The following PCSK6 variants were observed in gnomAD, a reference collection of about 807,000 sequenced individuals.
PCSK6 encodes the protein paired basic amino acid cleaving enzyme 4.
PCSK6 carries 85 observed loss-of-function variants against 123.3 expected under a neutral mutation model. The observed-to-expected ratio is 0.69, with a 90% CI of 0.58 to 0.83. The LOEUF (loss-of-function observed/expected upper bound fraction) is 0.83. PCSK6 is among the 40% of genes least tolerant of loss of function. The pLI is 0.00. For synonymous variants in PCSK6, 508 were observed against 516.0 expected, an observed-to-expected ratio of 0.98 and a Z score of 0.21; for missense variants, 1,191 against 1,282.3, an observed-to-expected ratio of 0.93 and a Z score of 1.09.
chr15:101,486,661 A>G (rs2058027891), intron 1 of PCSK6, among the ~76,000 whole-genome samples: 1 of 152,230 alleles, frequency 6.6e-6, no homozygotes, highest in South Asian at 2.1e-4. Context: ...AAAGGGAGCC[A>G]TGACACAAGA....
At chr15:101,489,093 G>A (rs2058092715) in intron 1 of PCSK6, among the ~76,000 whole-genome samples, 1 of 148,852 alleles carries the variant, frequency 6.7e-6, no homozygotes, top group African/African-American at 2.4e-5. Flanking sequence ...GCGGGGTTGG[G>A]CGGCACTGCC....
At chr15:101,429,290 C>G (rs866227210) in intron 5 of PCSK6, among the ~76,000 whole-genome samples, 1 of 152,196 alleles carries the variant, frequency 6.6e-6, no homozygotes, top group African/African-American at 2.4e-5. Context: ...GCCGTTTACA[C>G]TGCAAAGTCA....
intron 6 of PCSK6, among the ~76,000 whole-genome samples, chr15:101,417,630 T>C (rs2055932971): frequency 6.6e-6 from 1 of 152,146 alleles, no homozygotes; most frequent in Non-Finnish European, 1.5e-5. Context: ...TAAGAGGTGA[T>C]GAAAGGAGAA....
intron 11 of PCSK6, among the ~76,000 whole-genome samples, chr15:101,380,732 C>G (rs1017448861): frequency 4.6e-5 from 7 of 152,212 alleles, no homozygotes; most frequent in African/African-American, 1.7e-4. Flanking sequence ...GAGCCCTCCA[C>G]CAGACACATT....
chr15:101,366,011 A>C (rs1408239715), intron 13 of PCSK6, 185 bp downstream of exon 13: 10 of 553,490 alleles, frequency 1.8e-5, no homozygotes, highest in Non-Finnish European at 2.1e-5. Flanking sequence ...GACATCGTGG[A>C]TGTACTAAAA....
At chr15:101,333,348 A>G (rs2040409517) in intron 13 of PCSK6, among the ~76,000 whole-genome samples, 1 of 152,196 alleles carries the variant, frequency 6.6e-6, no homozygotes, top group South Asian at 2.1e-4. Context: ...AAACACATGC[A>G]CACACATGTT....
In PCSK6 at chr15:101,325,020, C is replaced by G. The variant is rs1226511104; in HGVS notation, c.2207G>C (p.Gly736Ala). The change falls in exon 17 of 22, where the codon GGC becomes GCC. Residue 736 changes from glycine (G) to alanine (A), a missense_variant. Physicochemically the swap from Gly to Ala is moderately conservative, Grantham distance 60 (BLOSUM62 0). Coordinates refer to ENST00000611716, the MANE Select transcript of PCSK6 (RefSeq NM_002570.5). ...TCTTGCTGCTGTGTCCCCAAAGTAG[C>G]CCAAGGGGCACACACTCACGCACTT... ...SRKCVSVCPLGYFGDTAARRC... is the reference protein window; with the variant it reads ...SRKCVSVCPLAYFGDTAARRC... 5 of 1,610,962 alleles carry G rather than the reference C, an allele frequency of 3.1e-6. No individual in the cohort carries two copies. Among genetic ancestry groups the G allele is most frequent in the African/African-American group, 2.7e-5 (2 of 74,934 alleles).
At chr15:101,429,088 G>C (rs1049943358) in intron 5 of PCSK6, among the ~76,000 whole-genome samples, 1 of 152,180 alleles carries the variant, frequency 6.6e-6, no homozygotes, top group African/African-American at 2.4e-5. Context: ...GAATCAAAGC[G>C]ACCACAAACT....
chr15:101,384,480 C>A, intron 9 of PCSK6, 55 bp from the exon 10 acceptor site: 2 of 1,484,828 alleles, frequency 1.3e-6, no homozygotes, highest in South Asian at 2.5e-5. Flanking sequence ...GGCAGCCACA[C>A]AGGCCACTCA....
intron 1 of PCSK6, among the ~76,000 whole-genome samples, chr15:101,473,616 C>G (rs1460360092): frequency 6.6e-6 from 1 of 152,186 alleles, no homozygotes; most frequent in Non-Finnish European, 1.5e-5. Context: ...GCTTTTGCAT[C>G]TTGTGCTAAA....
chr15:101,336,761 T>G (rs552211439), intron 13 of PCSK6: 1 of 151,792 alleles, frequency 6.6e-6, no homozygotes, highest in African/African-American at 2.4e-5. Context: ...TTTTTGTTCT[T>G]TCTCTCGATC....
At chr15:101,469,872 A>G (rs1243494737) in intron 1 of PCSK6, among the ~76,000 whole-genome samples, 1 of 152,240 alleles carries the variant, frequency 6.6e-6, no homozygotes, top group Non-Finnish European at 1.5e-5. Flanking sequence ...TTCCTACTTT[A>G]AAAATAGTGC....
intron 1 of PCSK6, among the ~76,000 whole-genome samples, chr15:101,446,940 T>C (rs902843169): frequency 3.5e-4 from 53 of 152,128 alleles, no homozygotes; most frequent in African/African-American, 1.3e-3. Flanking sequence ...CTTTGCAACA[T>C]CAGGCACCAG....
intron 8 of PCSK6, among the ~76,000 whole-genome samples, chr15:101,391,108 A>G (rs192898538): frequency 7.2e-5 from 11 of 152,292 alleles, no homozygotes; most frequent in African/African-American, 1.7e-4. Context: ...AACAGAGACC[A>G]GTTTCCTCCT....
chr15:101,486,118 C>T (rs2058016443), intron 1 of PCSK6, among the ~76,000 whole-genome samples: 1 of 151,986 alleles, frequency 6.6e-6, no homozygotes, highest in Admixed American at 6.6e-5. Flanking sequence ...CATGTGTCAC[C>T]AAGCCCAGCT....
chr15:101,457,105 G>T (rs571343464), intron 1 of PCSK6, among the ~76,000 whole-genome samples: 1 of 152,160 alleles, frequency 6.6e-6, no homozygotes, highest in Non-Finnish European at 1.5e-5. Context: ...CCAGGAGGCG[G>T]AGGTTGCAGT....
intron 13 of PCSK6, among the ~76,000 whole-genome samples, chr15:101,353,183 C>T (rs1001450098): frequency 1.2e-4 from 19 of 152,206 alleles, no homozygotes; most frequent in Admixed American, 5.2e-4. Context: ...TGCGACTAGA[C>T]GGTCCCGTCT....
chr15:101,422,954 G>A (rs1445290202), intron 6 of PCSK6, among the ~76,000 whole-genome samples: 1 of 152,234 alleles, frequency 6.6e-6, no homozygotes, highest in Non-Finnish European at 1.5e-5. Context: ...AAAGACAACA[G>A]AATCCAGAGT....
Position 101,305,226 on chromosome 15 carries a change from A to G in PCSK6, c.*32T>C, listed in dbSNP as rs368178618. 1.7e-4 allele frequency: 268 copies of G among 1,534,704 alleles called. 1 individual carries two copies. In the African/African-American group the frequency reaches 3.3e-3, roughly 19 times the overall value. On this transcript the variant is annotated 3_prime_UTR_variant, in exon 22 of 22. Transcript: ENST00000611716. The surrounding 1 kb of genome is among the most constrained non-coding windows in gnomAD (Gnocchi z 4.8). ...GAAGGTGGACGGATGGATGGATGGG[A>G]GTGCCTGCCCTCTGTGGGCAGCTAG...
Sources: gnomAD v4.1 joint callset for allele counts (sites outside exome capture counted in the v4.1 genomes callset) on GRCh38, gnomAD v4.1.1 for gene constraint, Gnocchi (gnomAD v3.1) non-coding constraint, MANE v1.5 for transcripts, NCBI Gene and HGNC (gene_info 2026-07-23, HGNC 2026-07-21) for gene names.